The following SEM1 variants were observed in gnomAD, a reference collection of about 807,000 sequenced individuals.
SEM1 encodes the protein 26S proteasome complex subunit SEM1.
A neutral mutation model predicts 12.7 loss-of-function variants in SEM1; 3 were observed. The ratio of observed to expected loss-of-function variants is 0.24; its 90% CI spans 0.11 to 0.61. The LOEUF is 0.61. Ranked by LOEUF, SEM1 falls within the 20% of genes least tolerant of loss-of-function variation. The probability of loss-of-function intolerance (pLI) is 0.88; values close to 1 mark genes in which losing one functional copy is unlikely to be tolerated. For missense variants in SEM1, 59 were observed against 81.3 expected, an observed-to-expected ratio of 0.73 and a Z score of 1.06; for synonymous variants, 30 against 27.8, an observed-to-expected ratio of 1.08 and a Z score of -0.25.
intron 2 of SEM1, among the ~76,000 whole-genome samples, chr7:96,570,820 A>C (rs1220745467): frequency 6.6e-6 from 1 of 152,216 alleles, no homozygotes; most frequent in Non-Finnish European, 1.5e-5. Context: ...TCCCACCAAC[A>C]GTGTAAAAGT....
intron 2 of SEM1, among the ~76,000 whole-genome samples, chr7:96,693,409 A>AT: frequency 6.6e-6 from 1 of 152,142 alleles, no homozygotes; most frequent in South Asian, 2.1e-4. Flanking sequence ...GCCCTATTTC[A>AT]TAACATATAC....
intron 2 of SEM1, among the ~76,000 whole-genome samples, chr7:96,675,945 C>G (rs1194728174): frequency 6.6e-6 from 1 of 152,168 alleles, no homozygotes; most frequent in Admixed American, 6.5e-5. Context: ...CCAGTAACTT[C>G]TCATTTGGCA....
intron 1 of SEM1, among the ~76,000 whole-genome samples, chr7:96,699,524 T>C (rs895258428): frequency 2.6e-5 from 4 of 152,246 alleles, no homozygotes; most frequent in Non-Finnish European, 4.4e-5. Context: ...CTTTCCATGC[T>C]GAGGCCACAA....
chr7:96,588,387 CACACACA>C, intron 2 of SEM1, among the ~76,000 whole-genome samples: 1 of 68,464 alleles, frequency 1.5e-5, no homozygotes, highest in African/African-American at 4.2e-5. Context: ...CACACACACA[CACACACA>C]CACGAGAGAG....
chr7:96,502,818 G>A (rs796956398), intron 3 of SEM1, among the ~76,000 whole-genome samples: 11 of 152,260 alleles, frequency 7.2e-5, no homozygotes, highest in African/African-American at 2.4e-4. Context: ...CTTGGCACTG[G>A]CCATCTTGTT....
downstream of SEM1, among the ~76,000 whole-genome samples, chr7:96,685,555 TTTTTGTTTCG>T (rs1187948398): frequency 6.6e-6 from 1 of 152,192 alleles, no homozygotes; most frequent in East Asian, 1.9e-4. Flanking sequence ...TTGAAGACGT[TTTTTGTTTCG>T]TTTTGTTTGG....
downstream of SEM1, chr7:96,622,129 G>T (rs1171515628): frequency 6.5e-6 from 1 of 153,452 alleles, no homozygotes; most frequent in Non-Finnish European, 1.5e-5. Context: ...TAGACATTCT[G>T]CTATGTTATG....
chr7:96,508,946 G>A (rs1046959084), intron 2 of SEM1, among the ~76,000 whole-genome samples: 1 of 151,420 alleles, frequency 6.6e-6, no homozygotes, highest in Non-Finnish European at 1.5e-5. Context: ...ATTTGATTAT[G>A]AATCTATTTT....
rs79029686 is a variant in SEM1, at chr7:96,609,491, G to A, written c.170+85307C>T. Among the ~76,000 whole-genome samples, 821 of 152,210 alleles carry A rather than the reference G, an allele frequency of 5.4e-3. 9 individuals are homozygous for A. The highest frequency in any genetic ancestry group is 0.019 in the African/African-American group (780 of 41,530). ...AGGTAGACATTATGATCATTTTATCGAGATTTAAGATAAAACTGAGGCCCA... is the reference window on the plus strand; with the variant it reads ...AGGTAGACATTATGATCATTTTATCAAGATTTAAGATAAAACTGAGGCCCA... On this transcript the variant is annotated intron_variant and NMD_transcript_variant, in intron 2 of 3. Coordinates refer to the SEM1 transcript ENST00000466986.
At chr7:96,488,806 G>T (rs979186309) in intron 1 of SEM1, among the ~76,000 whole-genome samples, 1 of 152,010 alleles carries the variant, frequency 6.6e-6, no homozygotes, top group Non-Finnish European at 1.5e-5. Flanking sequence ...GCATAATTCC[G>T]TGCCAAAATG....
At chr7:96,583,155 G>C (rs1273061916) in intron 2 of SEM1, among the ~76,000 whole-genome samples, 2 of 150,786 alleles carry the variant, frequency 1.3e-5, no homozygotes, top group African/African-American at 2.4e-5. Flanking sequence ...GCGTCCCAGA[G>C]ATTCTGGTAT....
chr7:96,611,805 G>A (rs1021813306), intron 2 of SEM1, among the ~76,000 whole-genome samples: 4 of 152,032 alleles, frequency 2.6e-5, no homozygotes, highest in African/African-American at 7.2e-5. Flanking sequence ...TTTTCCATCC[G>A]GTGCTAGCTG....
At chr7:96,581,156 A>G (rs1312009088) in intron 2 of SEM1, among the ~76,000 whole-genome samples, 2 of 152,162 alleles carry the variant, frequency 1.3e-5, no homozygotes, top group African/African-American at 4.8e-5. Flanking sequence ...TATAAGGTGT[A>G]AGGAAGGGAT....
At chr7:96,522,419 A>G (rs1804305345) in intron 2 of SEM1, among the ~76,000 whole-genome samples, 1 of 152,070 alleles carries the variant, frequency 6.6e-6, no homozygotes, top group South Asian at 2.1e-4. Flanking sequence ...GCCCAAGTCA[A>G]CTAGTAGGCA....
chr7:96,603,131 G>A (rs1460386117), intron 2 of SEM1, among the ~76,000 whole-genome samples: 3 of 152,188 alleles, frequency 2.0e-5, no homozygotes, highest in African/African-American at 7.2e-5. Flanking sequence ...ACTTGCAAAT[G>A]AGCCATAACT....
At chr7:96,581,777 G>A (rs1462851430) in intron 2 of SEM1, among the ~76,000 whole-genome samples, 1 of 151,498 alleles carries the variant, frequency 6.6e-6, no homozygotes, top group East Asian at 1.9e-4. Context: ...CTGTTTGTCT[G>A]TTGTTGGTGT....
chr7:96,606,700 G>T (rs1487209140), intron 2 of SEM1, among the ~76,000 whole-genome samples: 1 of 152,190 alleles, frequency 6.6e-6, no homozygotes, highest in Admixed American at 6.5e-5. Context: ...TAACTCTTGG[G>T]CATAAAGTAG....
intron 2 of SEM1, among the ~76,000 whole-genome samples, chr7:96,578,924 T>C (rs1479983450): frequency 6.6e-6 from 1 of 152,208 alleles, no homozygotes; most frequent in Non-Finnish European, 1.5e-5. Flanking sequence ...TTGGTTACAA[T>C]AGCAGTCACC....
At position 96,559,407 on chromosome 7, in the gene SEM1, A is replaced by T. The variant is rs533305117; in HGVS notation, c.171-52709T>A. ...GTTGATTCTCCCACCTCAGCCTCCC[A>T]GGTAGCTGGGAATACAGGCATACAC... On this transcript the variant is annotated intron_variant and NMD_transcript_variant, in intron 2 of 3. Transcript: ENST00000466986. Among the ~76,000 whole-genome samples, 83 of 152,022 alleles carry T rather than the reference A, an allele frequency of 5.5e-4. 1 individual carries two copies. Among genetic ancestry groups the T allele is most frequent in the African/African-American group, 1.8e-3 (74 of 41,474 alleles).
Sources: gnomAD v4.1 joint callset for allele counts (sites outside exome capture counted in the v4.1 genomes callset) on GRCh38, gnomAD v4.1.1 for gene constraint, MANE v1.5 for transcripts, NCBI Gene and HGNC (gene_info 2026-07-23, HGNC 2026-07-21) for gene names.